CWF19L2: variants seen among roughly 807,000 people sequenced by gnomAD.
CWF19L2 encodes the protein CWF19-like protein 2.
CWF19L2 carries 98 observed loss-of-function variants against 111.7 expected under a neutral mutation model. The observed-to-expected ratio is 0.88, with a 90% CI of 0.75 to 1.04. The LOEUF (loss-of-function observed/expected upper bound fraction) is 1.04, where lower values mean the gene tolerates loss of function less well. Ranked by LOEUF, CWF19L2 falls within the 50% of genes least tolerant of loss-of-function variation. The pLI is 0.00. For missense variants in CWF19L2, 1,101 were observed against 1,051.4 expected, an observed-to-expected ratio of 1.05 and a Z score of -0.65; for synonymous variants, 351 against 342.9, an observed-to-expected ratio of 1.02 and a Z score of -0.26.
At chr11:107,446,264 CTCT>C (rs1207806335) in intron 3 of CWF19L2, among the ~76,000 whole-genome samples, 2 of 152,336 alleles carry the variant, frequency 1.3e-5, no homozygotes, top group East Asian at 1.9e-4. Flanking sequence ...TCACCCCCTC[CTCT>C]TGTTTTATAA....
At position 107,380,329 on chromosome 11, in the gene CWF19L2, T is replaced by C. The variant is rs145552876; in HGVS notation, c.1872+9745A>G. On this transcript the variant is annotated intron_variant, in intron 12 of 17. Transcript: ENST00000282251. ...TTCAAGCTCCAAGCCCTTAAATCCATTGGAAATAGATGAATTCATTGATTA... is the reference window on the plus strand; with the variant it reads ...TTCAAGCTCCAAGCCCTTAAATCCACTGGAAATAGATGAATTCATTGATTA... Among the ~76,000 whole-genome samples, 31 of 152,302 alleles carry C rather than the reference T, an allele frequency of 2.0e-4. 1 individual carries two copies. In the East Asian group the frequency reaches 5.6e-3, roughly 27 times the overall value.
chr11:107,432,401 C>A (rs1861477193), intron 7 of CWF19L2, among the ~76,000 whole-genome samples: 1 of 152,108 alleles, frequency 6.6e-6, no homozygotes, highest in South Asian at 2.1e-4. Flanking sequence ...TATGGTGAAA[C>A]CCTGTCTCTA....
intron 16 of CWF19L2, among the ~76,000 whole-genome samples, chr11:107,332,494 C>G (rs1434048331): frequency 6.6e-6 from 1 of 150,764 alleles, no homozygotes; most frequent in Non-Finnish European, 1.5e-5. Flanking sequence ...TTGTAAAAAT[C>G]AGAATGGATT....
Position 107,454,501 on chromosome 11 carries a change from CTT to C in CWF19L2, c.286_287del (p.Lys96GlufsTer7). ...TTTTTTCATATTTCTGTTTCTTGCT[CTT>C]TTTTTTCTTTTCTTTCTTTGCTTTT... ...SKKAKKEKKKKSKKQKYEKNN... is the reference protein window; with the variant it reads ...SKKAKKEKKKXSKKQKYEKNN... On this transcript the variant is annotated frameshift_variant, in exon 3 of 18. Transcript: ENST00000282251. LOFTEE classifies it high-confidence loss of function. The C allele has an allele frequency of 6.8e-7, 1 of 1,471,278 alleles. No individual in the cohort carries two copies. The highest frequency in any genetic ancestry group is 1.5e-5 in the South Asian group (1 of 68,800). The allele number at this position is 1,471,278 out of a possible 1,614,324, so 91.1% of individuals were successfully genotyped here.
At chr11:107,423,276 A>G (rs944901848) in intron 8 of CWF19L2, among the ~76,000 whole-genome samples, 1 of 151,984 alleles carries the variant, frequency 6.6e-6, no homozygotes, top group Non-Finnish European at 1.5e-5. Flanking sequence ...AACTTTCCTC[A>G]ATTTGCATTC....
intron 9 of CWF19L2, among the ~76,000 whole-genome samples, chr11:107,416,985 C>T (rs996945397): frequency 6.6e-6 from 1 of 152,114 alleles, no homozygotes; most frequent in African/African-American, 2.4e-5. Flanking sequence ...CTTCCCTTAC[C>T]AATTTCTAGG....
chr11:107,427,836 C>A (rs970271416), intron 8 of CWF19L2, among the ~76,000 whole-genome samples: 7 of 152,092 alleles, frequency 4.6e-5, no homozygotes. Context: ...GTCCATTTGA[C>A]TGGGGCTTAA....
chr11:107,446,394 A>G (rs1861702889), intron 3 of CWF19L2, among the ~76,000 whole-genome samples: 2 of 152,216 alleles, frequency 1.3e-5, no homozygotes, highest in African/African-American at 2.4e-5. Flanking sequence ...TGAAATGCCA[A>G]GCACACCTTT....
chr11:107,395,246 C>A (rs1401310799), intron 10 of CWF19L2, among the ~76,000 whole-genome samples: 1 of 152,192 alleles, frequency 6.6e-6, no homozygotes, highest in Admixed American at 6.5e-5. Flanking sequence ...CTCTCTCTTT[C>A]CCTGCTGCCA....
chr11:107,401,098 C>T (rs1860993070), intron 10 of CWF19L2, among the ~76,000 whole-genome samples: 1 of 152,170 alleles, frequency 6.6e-6, no homozygotes, highest in African/African-American at 2.4e-5. Context: ...GACAAACCCA[C>T]AGCCAACATA....
intron 14 of CWF19L2, among the ~76,000 whole-genome samples, chr11:107,343,963 C>A (rs1489498145): frequency 6.6e-6 from 1 of 152,140 alleles, no homozygotes; most frequent in Non-Finnish European, 1.5e-5. Flanking sequence ...GCTTGTAATT[C>A]CAGCACTTTG....
chr11:107,435,599 T>A (rs961906881), intron 6 of CWF19L2, among the ~76,000 whole-genome samples: 1 of 152,170 alleles, frequency 6.6e-6, no homozygotes, highest in African/African-American at 2.4e-5. Flanking sequence ...CCTTCACTAG[T>A]TAAATCCATA....
Position 107,374,403 on chromosome 11 carries a change from C to T in CWF19L2, c.1872+15671G>A, listed in dbSNP as rs897872174. ...GGGTTACCCTCAAAGGGAAGCCCAT[C>T]AGACTAACAGCAGATCTCTCGGCAG... On this transcript the variant is annotated intron_variant, in intron 12 of 17. Transcript: ENST00000282251. Among the ~76,000 whole-genome samples the T allele has an allele frequency of 8.8e-3, 1,179 of 134,568 alleles. 207 individuals are homozygous for T. The highest frequency in any genetic ancestry group is 0.033 in the African/African-American group (1,081 of 32,422). 88.3% of individuals were successfully genotyped at this position (134,568 alleles called of 152,430 possible).
At chr11:107,392,716 A>G in intron 11 of CWF19L2, 63 bp downstream of exon 11, 1 of 959,622 alleles carries the variant, frequency 1.0e-6, no homozygotes. Flanking sequence ...ATCTGATACA[A>G]AGAAAGCCCC....
At chr11:107,396,705 C>T (rs1860926862) in intron 10 of CWF19L2, among the ~76,000 whole-genome samples, 1 of 152,158 alleles carries the variant, frequency 6.6e-6, no homozygotes, top group Non-Finnish European at 1.5e-5. Context: ...GACAGAGCAG[C>T]ATGCAGGGGC....
At chr11:107,446,685 T>G (rs1338130015) in intron 3 of CWF19L2, among the ~76,000 whole-genome samples, 1 of 152,240 alleles carries the variant, frequency 6.6e-6, no homozygotes, top group East Asian at 1.9e-4. Flanking sequence ...GAACAGTGTC[T>G]GGCAAAGAAT....
At chr11:107,405,370 C>T (rs1861061811) in intron 10 of CWF19L2, among the ~76,000 whole-genome samples, 1 of 152,076 alleles carries the variant, frequency 6.6e-6, no homozygotes, top group African/African-American at 2.4e-5. Flanking sequence ...GCTAATAAAA[C>T]TAATTCAAAA....
At position 107,438,501 on chromosome 11, in the gene CWF19L2, A is replaced by T. The variant is rs1304693123; in HGVS notation, c.664+589T>A. On this transcript the variant is annotated intron_variant, in intron 6 of 17. Transcript: ENST00000282251. ...GATACTTTTTATATTTTGTTACAGA[A>T]TGTAACAAACCAAATGCATTATTAT... Among the ~76,000 whole-genome samples, 4 of 152,300 alleles carry T rather than the reference A, an allele frequency of 2.6e-5. No individual in the cohort carries two copies. The South Asian group carries it at 8.3e-4, about 32-fold the overall frequency.
At chr11:107,450,106 A>G (rs1861757732) in intron 3 of CWF19L2, among the ~76,000 whole-genome samples, 2 of 152,010 alleles carry the variant, frequency 1.3e-5, no homozygotes, top group African/African-American at 4.8e-5. Flanking sequence ...CTCAAGAAAA[A>G]AAAAAAAAAG....
Sources: allele counts gnomAD v4.1 joint callset (sites outside exome capture counted in the v4.1 genomes callset), GRCh38; gene constraint gnomAD v4.1.1; transcripts MANE v1.5; gene names NCBI Gene and HGNC (gene_info 2026-07-23, HGNC 2026-07-21).